The following PTPRN2 variants were observed in gnomAD, a reference collection of about 807,000 sequenced individuals.
The protein encoded by PTPRN2 is receptor-type tyrosine-protein phosphatase N2.
Under a neutral mutation model 118.8 loss-of-function variants are expected in PTPRN2, and 74 were observed. That is an observed-to-expected ratio of 0.62 (90% CI 0.52 to 0.76). PTPRN2 has a LOEUF of 0.76. Ranked by LOEUF, PTPRN2 falls within the 30% of genes least tolerant of loss-of-function variation. The pLI is 0.00. For missense variants in PTPRN2, 1,481 were observed against 1,394.4 expected (o/e 1.06, Z -0.99); for synonymous variants, 641 against 608.0 (o/e 1.05, Z -0.80).
rs1266853325 is a variant in PTPRN2 at position 157,585,043 on chromosome 7, C to CT, written c.2497-6904dup. On this transcript the variant is annotated intron_variant, in intron 17 of 22. Coordinates refer to ENST00000389418, the MANE Select transcript of PTPRN2 (RefSeq NM_002847.5). The surrounding 1 kb of genome is among the most constrained non-coding windows in gnomAD (Gnocchi z 5.2). Reference sequence around the variant, plus strand: ...ACCAGCTCATGGTGCACCTACCTGGCTTTTTTTTAGTAAACAAATATCTCA... The same window carrying CT: ...ACCAGCTCATGGTGCACCTACCTGGCTTTTTTTTTAGTAAACAAATATCTCA... Among the ~76,000 whole-genome samples, 2 of 151,900 alleles carry CT rather than the reference C, an allele frequency of 1.3e-5. No homozygotes were observed. Among genetic ancestry groups the CT allele is most frequent in the Non-Finnish European group, 2.9e-5 (2 of 67,990 alleles).
At chr7:158,333,770 C>A (rs555349547) in intron 2 of PTPRN2, among the ~76,000 whole-genome samples, 3 of 147,696 alleles carry the variant, frequency 2.0e-5, no homozygotes, top group Middle Eastern at 3.3e-3. Context: ...CACCCGCAGA[C>A]ATCACTCACA....
In PTPRN2 at chr7:157,621,477, G is replaced by A. The variant is rs1435727553; in HGVS notation, c.2229C>T (p.Asn743=). The A allele has an allele frequency of 1.9e-6, 3 of 1,613,716 alleles. No individual in the cohort carries two copies. The East Asian group carries it at 6.7e-5, about 36-fold the overall frequency. Residue 743 remains asparagine, a synonymous_variant, in exon 15 of 23, where the codon AAC becomes AAT. Transcript: ENST00000389418. ...SYMEDHLKNK[N]RLEKEWEALC... is the part of the protein sequence containing the mutation. The stretch of plus-strand genomic sequence containing the variant: ...GCGCTTCCCACTCCTTCTCCAGCCG[G>A]TTCTTGTTCTTCAGGTGGTCCTCCA...
At chr7:157,696,096 G>A (rs1240608444) in intron 12 of PTPRN2, among the ~76,000 whole-genome samples, 10 of 108,020 alleles carry the variant, frequency 9.3e-5, no homozygotes, top group Non-Finnish European at 9.4e-5. Flanking sequence ...ACTGGGTCTT[G>A]GCAGAGCCCT....
Position 157,879,836 on chromosome 7 carries a change from T to TAA in PTPRN2, c.1788+18835_1788+18836dup, listed in dbSNP as rs11459962. ...CCCAATTTAGATGAAACGTCTTTGT[T>TAA]AAAAAAAAAAAAAAAAAAAGCCAGA... On this transcript the variant is annotated intron_variant, in intron 12 of 22. Transcript: ENST00000389418. Among the ~76,000 whole-genome samples the TAA allele has an allele frequency of 9.1e-3, 1,086 of 119,736 alleles. 17 individuals are homozygous for TAA. Among genetic ancestry groups the TAA allele is most frequent in the African/African-American group, 0.027 (880 of 32,750 alleles). 78.6% of individuals were successfully genotyped at this position (119,736 alleles called of 152,430 possible).
At chr7:158,270,832 A>ACCACCCC (rs1491217373) in intron 3 of PTPRN2, among the ~76,000 whole-genome samples, 1 of 5,170 alleles carries the variant, frequency 1.9e-4, no homozygotes, top group African/African-American at 1.2e-3. Context: ...CTCCACCTGG[A>ACCACCCC]TGACCCCCTC....
intron 11 of PTPRN2, among the ~76,000 whole-genome samples, chr7:158,009,980 G>A (rs1001099): frequency 0.84 from 127,202 of 152,082 alleles, 53,344 homozygotes; most frequent in East Asian, 0.88. Flanking sequence ...ACTGTCTCCC[G>A]CCCATCCTTC....
intron 2 of PTPRN2, among the ~76,000 whole-genome samples, chr7:158,389,406 G>A (rs572820515): frequency 1.3e-5 from 2 of 152,340 alleles, no homozygotes; most frequent in Admixed American, 1.3e-4. Context: ...GAAAAGAGAT[G>A]TATTGTGCCT....
intron 2 of PTPRN2, among the ~76,000 whole-genome samples, chr7:158,325,217 C>T (rs1803396790): frequency 1.3e-5 from 2 of 151,512 alleles, no homozygotes; most frequent in Admixed American, 1.3e-4. Context: ...CAGCCAGGAG[C>T]ATCTTCCTTC....
At chr7:157,844,203 G>A (rs1192968154) in intron 12 of PTPRN2, among the ~76,000 whole-genome samples, 1 of 152,250 alleles carries the variant, frequency 6.6e-6, no homozygotes, top group Non-Finnish European at 1.5e-5. Context: ...AGGAGGTGGT[G>A]TGCAGCACGT....
intron 11 of PTPRN2, among the ~76,000 whole-genome samples, chr7:157,955,987 A>C (rs1254254894): frequency 2.0e-5 from 3 of 152,228 alleles, no homozygotes; most frequent in Non-Finnish European, 4.4e-5. Context: ...ACATTCTGAC[A>C]GGTGCGTTTT....
intron 3 of PTPRN2, among the ~76,000 whole-genome samples, chr7:158,262,376 CAT>C (rs1202588202): frequency 6.7e-5 from 10 of 148,710 alleles, no homozygotes; most frequent in East Asian, 2.0e-4. Context: ...ACTGCACACA[CAT>C]ACACACATTC....
rs561767035 is a variant in PTPRN2 at position 158,371,064 on chromosome 7, T to C, written c.164-54132A>G. 2.0e-5 allele frequency among the ~76,000 whole-genome samples: 3 copies of C among 152,188 alleles called. No individual in the cohort carries two copies. In the Middle Eastern group the frequency reaches 0.01, roughly 518 times the overall value. On this transcript the variant is annotated intron_variant, in intron 2 of 22. Coordinates refer to ENST00000389418, the MANE Select transcript of PTPRN2 (RefSeq NM_002847.5). ...TTGGGAAATATGAGAAAAAATAATC[T>C]CACTCGGTCATAACGAAAAATTTTC...
At chr7:157,645,632 G>A (rs1008502671) in intron 14 of PTPRN2, among the ~76,000 whole-genome samples, 2 of 152,244 alleles carry the variant, frequency 1.3e-5, no homozygotes, top group Non-Finnish European at 2.9e-5. Context: ...TGGCTGTTAG[G>A]AGGGTGGGGC....
intron 2 of PTPRN2, among the ~76,000 whole-genome samples, chr7:158,342,337 G>C (rs1427234723): frequency 7.0e-6 from 1 of 143,386 alleles, no homozygotes. Flanking sequence ...CATAAGAGCT[G>C]ACACCTGCAG....
Position 157,813,588 on chromosome 7 carries a change from G to A in PTPRN2, c.1788+85085C>T, listed in dbSNP as rs1806192714. Among the ~76,000 whole-genome samples the A allele has an allele frequency of 6.6e-6, 1 of 152,226 alleles. No homozygotes were observed. Among genetic ancestry groups the A allele is most frequent in the Admixed American group, 6.5e-5 (1 of 15,280 alleles). On this transcript the variant is annotated intron_variant, in intron 12 of 22. Transcript: ENST00000389418. This position sits in a 1 kb window ranked among gnomAD's most constrained non-coding sequence, Gnocchi z 4.7. ...GCGCAGAAGAAAGATCAGAGGACAA[G>A]ATGCCCACGAATGATAAGCGCCTTT...
chr7:157,800,470 C>T (rs1375861644), intron 12 of PTPRN2, among the ~76,000 whole-genome samples: 1 of 152,222 alleles, frequency 6.6e-6, no homozygotes, highest in African/African-American at 2.4e-5. Context: ...CAACGACCCT[C>T]TGCTGATCCA....
intron 1 of PTPRN2, among the ~76,000 whole-genome samples, chr7:158,527,399 A>G (rs1824868965): frequency 6.6e-6 from 1 of 152,188 alleles, no homozygotes; most frequent in Admixed American, 6.5e-5. Context: ...GACGTGCTAA[A>G]TCCTCAGCGA....
intron 17 of PTPRN2, among the ~76,000 whole-genome samples, chr7:157,593,368 C>T (rs1182630010): frequency 6.6e-6 from 1 of 152,170 alleles, no homozygotes; most frequent in African/African-American, 2.4e-5. Flanking sequence ...CCTCCAGACC[C>T]TGTGGCTTTG....
At position 157,953,802 on chromosome 7, in the gene PTPRN2, G is replaced by A. The variant is rs1487940744; in HGVS notation, c.1724-55065C>T. On this transcript the variant is annotated intron_variant, in intron 11 of 22. Coordinates refer to ENST00000389418, the MANE Select transcript of PTPRN2 (RefSeq NM_002847.5). This position sits in a 1 kb window ranked among gnomAD's most constrained non-coding sequence, Gnocchi z 4.6. ...AAGGATCCCTCCTGAGGGTGAGGGC[G>A]ACCGAGAAAGGAATGAGGGCATAAG... is the stretch of plus-strand genomic sequence containing the variant. 3.9e-5 allele frequency among the ~76,000 whole-genome samples: 6 copies of A among 152,148 alleles called. No homozygotes were observed. The highest frequency in any genetic ancestry group is 2.1e-4 in the South Asian group (1 of 4,832).
Sources: allele counts gnomAD v4.1 joint callset (sites outside exome capture counted in the v4.1 genomes callset), GRCh38; gene constraint gnomAD v4.1.1; non-coding constraint Gnocchi (gnomAD v3.1); transcripts MANE v1.5; gene names NCBI Gene and HGNC (gene_info 2026-07-23, HGNC 2026-07-21).